Variants in SGCD observed in about 807,000 individuals in gnomAD.
SGCD encodes delta-sarcoglycan.
Under a neutral mutation model 36.6 loss-of-function variants are expected in SGCD, and 18 were observed. That is an observed-to-expected ratio of 0.49 (90% confidence interval 0.34 to 0.73). The LOEUF is 0.73. Among genes scored for constraint, SGCD ranks in the 30% least tolerant of loss-of-function variants. The pLI is 0.01. For missense variants in SGCD, 387 were observed against 346.7 expected (o/e 1.12, Z -0.92); for synonymous variants, 133 against 130.6 (o/e 1.02, Z -0.12).
chr5:156,206,353 A>G (rs1764277636), intron 3 of SGCD, among the ~76,000 whole-genome samples: 1 of 151,974 alleles, frequency 6.6e-6, no homozygotes, highest in African/African-American at 2.4e-5. Context: ...ATTATTGTGG[A>G]CATATTTTTT....
At chr5:156,175,325 A>T (rs1399422061) in intron 3 of SGCD, among the ~76,000 whole-genome samples, 1 of 152,200 alleles carries the variant, frequency 6.6e-6, no homozygotes, top group African/African-American at 2.4e-5. Flanking sequence ...AAGTAGTAAA[A>T]TAAATAGTAA....
At chr5:156,004,808 G>A (rs1421970498) in intron 1 of SGCD, among the ~76,000 whole-genome samples, 2 of 152,166 alleles carry the variant, frequency 1.3e-5, no homozygotes, top group Non-Finnish European at 2.9e-5. Flanking sequence ...ACGCATTCTT[G>A]GCTCTAGCCA....
intron 1 of SGCD, among the ~76,000 whole-genome samples, chr5:155,917,683 T>G (rs1756782952): frequency 6.6e-6 from 1 of 152,152 alleles, no homozygotes; most frequent in African/African-American, 2.4e-5. Context: ...GAAAGACACC[T>G]TATCAGGAGA....
At chr5:156,258,539 G>T (rs1211415786) in intron 3 of SGCD, among the ~76,000 whole-genome samples, 9 of 152,110 alleles carry the variant, frequency 5.9e-5, no homozygotes, top group Non-Finnish European at 8.8e-5. Flanking sequence ...AGCCACGATT[G>T]TCTAAAAAAT....
intron 1 of SGCD, among the ~76,000 whole-genome samples, chr5:156,009,378 T>G (rs537170680): frequency 6.6e-6 from 1 of 152,174 alleles, no homozygotes; most frequent in Non-Finnish European, 1.5e-5. Flanking sequence ...CTCTACCATA[T>G]ACATACCTAC....
At chr5:155,904,239 T>G (rs1756452256) in intron 1 of SGCD, among the ~76,000 whole-genome samples, 1 of 152,224 alleles carries the variant, frequency 6.6e-6, no homozygotes, top group Admixed American at 6.5e-5. Flanking sequence ...CAAGTTTCCC[T>G]GGCAACCATA....
At chr5:156,513,075 T>G (rs544557898) in intron 4 of SGCD, among the ~76,000 whole-genome samples, 1 of 152,334 alleles carries the variant, frequency 6.6e-6, no homozygotes, top group African/African-American at 2.4e-5. Flanking sequence ...AGGCATAGCA[T>G]TAAAGGAAGA....
At chr5:155,814,805 A>G in the SGCD span, among the ~76,000 whole-genome samples, 1 of 152,234 alleles carries the variant, frequency 6.6e-6, no homozygotes, top group South Asian at 2.1e-4. Context: ...GTTTACTATG[A>G]TGGTAAAAGT....
chr5:156,146,863 T>G (rs1762719677), intron 3 of SGCD, among the ~76,000 whole-genome samples: 1 of 152,198 alleles, frequency 6.6e-6, no homozygotes, highest in Non-Finnish European at 1.5e-5. Flanking sequence ...GTTTATTATT[T>G]CCCCATTTAT....
intron 3 of SGCD, among the ~76,000 whole-genome samples, chr5:156,159,521 C>G (rs949690887): frequency 6.6e-6 from 1 of 151,434 alleles, no homozygotes; most frequent in South Asian, 2.1e-4. Context: ...CCCTATCATA[C>G]CTTTGGCTTC....
At chr5:156,600,104 G>A (rs2113408918) in intron 6 of SGCD, among the ~76,000 whole-genome samples, 1 of 152,242 alleles carries the variant, frequency 6.6e-6, no homozygotes, top group African/African-American at 2.4e-5. Flanking sequence ...ATATAATGAT[G>A]AAACTAAGGT....
chr5:156,279,632 G>T (rs1766398461), intron 3 of SGCD, among the ~76,000 whole-genome samples: 1 of 152,092 alleles, frequency 6.6e-6, no homozygotes, highest in South Asian at 2.1e-4. Context: ...GGGAACAGTG[G>T]GTTGGGAAAA....
At chr5:156,073,772 G>A (rs1342390349) in intron 1 of SGCD, among the ~76,000 whole-genome samples, 2 of 152,190 alleles carry the variant, frequency 1.3e-5, no homozygotes, top group Admixed American at 1.3e-4. Flanking sequence ...GCCAGGTAAA[G>A]CAGTCAATTT....
chr5:155,876,740 C>T (rs1428805365), intron 1 of SGCD, among the ~76,000 whole-genome samples: 1 of 152,048 alleles, frequency 6.6e-6, no homozygotes, highest in African/African-American at 2.4e-5. Flanking sequence ...CATTTCGTTA[C>T]TTGATTGTTA....
chr5:156,229,588 G>C (rs908828819), intron 3 of SGCD, among the ~76,000 whole-genome samples: 16 of 151,838 alleles, frequency 1.1e-4, no homozygotes, highest in African/African-American at 3.4e-4. Context: ...TTGTCTCACA[G>C]CTCTTAAGAT....
At chr5:155,730,153 G>C in the SGCD span, among the ~76,000 whole-genome samples, 1 of 152,304 alleles carries the variant, frequency 6.6e-6, no homozygotes, top group South Asian at 2.1e-4. Flanking sequence ...ACCCTCCAGG[G>C]AGACAAATTA....
At chr5:156,425,822 A>T (rs1000111143) in intron 3 of SGCD, among the ~76,000 whole-genome samples, 2 of 151,926 alleles carry the variant, frequency 1.3e-5, no homozygotes, top group Non-Finnish European at 2.9e-5. Flanking sequence ...TTGCTTTTCT[A>T]TTATTGAATT....
At chr5:155,773,272 A>G in the SGCD span, among the ~76,000 whole-genome samples, 1 of 152,154 alleles carries the variant, frequency 6.6e-6, no homozygotes, top group Non-Finnish European at 1.5e-5. Flanking sequence ...CTCTTTCTTT[A>G]TGCCATACCT....
chr5:156,578,388 G>A (rs1017256925), intron 4 of SGCD, among the ~76,000 whole-genome samples: 15 of 152,046 alleles, frequency 9.9e-5, no homozygotes, highest in African/African-American at 3.6e-4. Flanking sequence ...TTTTTGTAGT[G>A]TCTCTGCCAG....
Sources: allele counts gnomAD v4.1 joint callset (sites outside exome capture counted in the v4.1 genomes callset), GRCh38; gene constraint gnomAD v4.1.1; transcripts MANE v1.5; gene names NCBI Gene and HGNC (gene_info 2026-07-23, HGNC 2026-07-21).